The following AGBL4 variants were observed in gnomAD, a reference collection of about 807,000 sequenced individuals.
AGBL4 encodes cytosolic carboxypeptidase 6.
AGBL4 carries 58 observed loss-of-function variants against 66.4 expected under a neutral mutation model. The ratio of observed to expected loss-of-function variants is 0.87; its 90% CI spans 0.71 to 1.09. The LOEUF (loss-of-function observed/expected upper bound fraction) is 1.09, where lower values mean the gene tolerates loss of function less well. Ranked by LOEUF, AGBL4 falls within the 50% of genes least tolerant of loss-of-function variation. AGBL4 has a pLI of 0.00. For synonymous variants in AGBL4, 234 were observed against 222.9 expected, an observed-to-expected ratio of 1.05 and a Z score of -0.44; for missense variants, 579 against 631.0, an observed-to-expected ratio of 0.92 and a Z score of 0.88.
At chr1:48,597,902 G>A (rs1645020133) in intron 9 of AGBL4, among the ~76,000 whole-genome samples, 1 of 150,140 alleles carries the variant, frequency 6.7e-6, no homozygotes, top group African/African-American at 2.4e-5. Flanking sequence ...GGGAGGGAGG[G>A]AAGGAGGAAG....
At chr1:49,973,456 C>A (rs2148368433) in intron 1 of AGBL4, among the ~76,000 whole-genome samples, 1 of 152,068 alleles carries the variant, frequency 6.6e-6, no homozygotes, top group African/African-American at 2.4e-5. Flanking sequence ...TATAGTAGAT[C>A]ACTTCCATAA....
At chr1:48,971,847 G>A (rs1329534753) in intron 5 of AGBL4, among the ~76,000 whole-genome samples, 1 of 152,152 alleles carries the variant, frequency 6.6e-6, no homozygotes, top group Non-Finnish European at 1.5e-5. Flanking sequence ...TTTGGCTTGT[G>A]AACCCCATGC....
Position 49,645,236 on chromosome 1 carries a change from A to G in AGBL4, c.282+52077T>C, listed in dbSNP as rs553743561. On this transcript the variant is annotated intron_variant, in intron 3 of 13. Transcript: ENST00000371839. ...ATGTAAGTAGAAAGATCACAGATGA[A>G]TAGATGAAATAGAAAACAGCAAAAG... Among the ~76,000 whole-genome samples the G allele has an allele frequency of 2.0e-5, 3 of 151,472 alleles. No homozygotes were observed. The South Asian group carries it at 6.2e-4, about 31-fold the overall frequency.
chr1:48,618,917 G>A (rs1424931351), intron 9 of AGBL4, among the ~76,000 whole-genome samples: 1 of 151,148 alleles, frequency 6.6e-6, no homozygotes, highest in South Asian at 2.1e-4. Context: ...CTGAATTTTT[G>A]TGCTTAAAAG....
At chr1:48,960,111 C>T (rs1379815736) in intron 5 of AGBL4, among the ~76,000 whole-genome samples, 1 of 151,904 alleles carries the variant, frequency 6.6e-6, no homozygotes, top group Non-Finnish European at 1.5e-5. Flanking sequence ...TTCAAGAGTA[C>T]AGGACACATA....
At position 48,761,159 on chromosome 1, in the gene AGBL4, T is replaced by C. The variant is rs571119358; in HGVS notation, c.635-97918A>G. 8 of 650,304 alleles carry C rather than the reference T, an allele frequency of 1.2e-5. No homozygotes were observed. The South Asian group carries it at 1.2e-4, about 10-fold the overall frequency. The allele number at this position is 650,304 out of a possible 1,614,324, so 40.3% of individuals were successfully genotyped here. ...GCATGAATCAGGGCTCTCTAGAAAG[T>C]TGGCCAGCAAGGCAAATACACACGA... On this transcript the variant is annotated intron_variant, in intron 6 of 13. Coordinates refer to ENST00000371839, the MANE Select transcript of AGBL4 (RefSeq NM_032785.4).
intron 3 of AGBL4, among the ~76,000 whole-genome samples, chr1:49,680,204 C>G (rs1026072081): frequency 1.3e-4 from 20 of 151,776 alleles, no homozygotes; most frequent in Middle Eastern, 3.4e-3. Context: ...GCATGCACCA[C>G]CACACCCAGC....
At chr1:48,565,462 CCT>C (rs1223897217) in intron 11 of AGBL4, among the ~76,000 whole-genome samples, 1 of 152,154 alleles carries the variant, frequency 6.6e-6, no homozygotes, top group African/African-American at 2.4e-5. Context: ...AGTATCTACC[CCT>C]GAGTCAGGCC....
At chr1:49,711,137 C>A (rs1309028216) in intron 2 of AGBL4, among the ~76,000 whole-genome samples, 1 of 152,064 alleles carries the variant, frequency 6.6e-6, no homozygotes, top group Non-Finnish European at 1.5e-5. Flanking sequence ...AAGTTTCATA[C>A]GTTTCCAGTG....
intron 5 of AGBL4, among the ~76,000 whole-genome samples, chr1:48,960,089 T>A (rs922199906): frequency 6.6e-6 from 1 of 152,014 alleles, no homozygotes; most frequent in African/African-American, 2.4e-5. Context: ...GGGCCACCAG[T>A]TAGTAGGCTA....
intron 1 of AGBL4, among the ~76,000 whole-genome samples, chr1:49,905,928 T>C (rs771599606): frequency 1.3e-5 from 2 of 152,074 alleles, no homozygotes; most frequent in Non-Finnish European, 2.9e-5. Context: ...CTGTATTAAA[T>C]CCCTACTCTC....
intron 3 of AGBL4, among the ~76,000 whole-genome samples, chr1:49,246,198 T>G (rs1651631335): frequency 6.6e-6 from 1 of 151,986 alleles, no homozygotes; most frequent in Non-Finnish European, 1.5e-5. Flanking sequence ...AGGACTCTGA[T>G]GATAATTAAA....
chr1:48,851,290 T>A (rs1647025653), intron 6 of AGBL4, among the ~76,000 whole-genome samples: 1 of 152,090 alleles, frequency 6.6e-6, no homozygotes, highest in Non-Finnish European at 1.5e-5. Context: ...TCTGCATCTT[T>A]AGGAAGGAAG....
intron 3 of AGBL4, among the ~76,000 whole-genome samples, chr1:49,549,647 C>A (rs756925078): frequency 2.6e-5 from 4 of 151,996 alleles, no homozygotes; most frequent in Non-Finnish European, 5.9e-5. Context: ...TGAGAGAGTG[C>A]TTTACATAAT....
At chr1:49,686,269 T>A (rs898723550) in intron 3 of AGBL4, among the ~76,000 whole-genome samples, 3 of 152,250 alleles carry the variant, frequency 2.0e-5, no homozygotes, top group African/African-American at 7.2e-5. Flanking sequence ...CCACTGAAGT[T>A]CTTTTGCCAG....
chr1:49,327,706 G>A (rs750312021), intron 3 of AGBL4, among the ~76,000 whole-genome samples: 1 of 152,198 alleles, frequency 6.6e-6, no homozygotes, highest in Non-Finnish European at 1.5e-5. Context: ...GAGTCCTCAT[G>A]ACTTAATCAC....
chr1:49,838,282 A>C (rs1645904160), intron 2 of AGBL4, among the ~76,000 whole-genome samples: 1 of 152,224 alleles, frequency 6.6e-6, no homozygotes, highest in Admixed American at 6.5e-5. Flanking sequence ...AAAACCATGA[A>C]TGTAGGTGTA....
At chr1:49,758,152 A>G (rs907060753) in intron 2 of AGBL4, among the ~76,000 whole-genome samples, 1 of 152,204 alleles carries the variant, frequency 6.6e-6, no homozygotes, top group African/African-American at 2.4e-5. Context: ...AGCCTTGGCA[A>G]CTTCCACATG....
intron 5 of AGBL4, among the ~76,000 whole-genome samples, chr1:49,005,359 G>T (rs1661705487): frequency 1.3e-5 from 2 of 152,080 alleles, no homozygotes; most frequent in Non-Finnish European, 2.9e-5. Context: ...GTTTTAAATT[G>T]TGGGCTGTTA....
Sources: allele counts gnomAD v4.1 joint callset (sites outside exome capture counted in the v4.1 genomes callset), GRCh38; gene constraint gnomAD v4.1.1; transcripts MANE v1.5; gene names NCBI Gene and HGNC (gene_info 2026-07-23, HGNC 2026-07-21).